Variants in NARF observed in about 807,000 individuals in gnomAD.
The protein encoded by NARF is nuclear prelamin A recognition factor.
NARF carries 41 observed loss-of-function variants against 48.0 expected under a neutral mutation model. The observed-to-expected ratio is 0.85, with a 90% CI of 0.66 to 1.11. The LOEUF is 1.11. Ranked by LOEUF, NARF falls within the 50% of genes least tolerant of loss-of-function variation. The pLI, the probability that NARF is intolerant of heterozygous loss-of-function variation, is 0.00. For missense variants in NARF, 613 were observed against 590.2 expected (o/e 1.04, Z -0.40); for synonymous variants, 215 against 225.5 (o/e 0.95, Z 0.42).
At chr17:82,467,012 C>A (rs2043586592) in intron 3 of NARF, among the ~76,000 whole-genome samples, 1 of 150,008 alleles carries the variant, frequency 6.7e-6, no homozygotes, top group Non-Finnish European at 1.5e-5. Context: ...TTTTTTTTCC[C>A]CATTACTTCC....
intron 1 of NARF, among the ~76,000 whole-genome samples, chr17:82,459,690 C>T (rs12952969): frequency 0.27 from 41,042 of 151,736 alleles, 6,280 homozygotes; most frequent in East Asian, 0.69. Flanking sequence ...GCCAACATGG[C>T]GAAACCCAGT....
intron 10 of NARF, among the ~76,000 whole-genome samples, chr17:82,486,425 G>C (rs2044097419): frequency 6.6e-6 from 1 of 152,204 alleles, no homozygotes; most frequent in African/African-American, 2.4e-5. Context: ...AGACAAGTGG[G>C]ACAAGGTGTG....
chr17:82,466,139 A>G (rs2043560899), intron 3 of NARF, among the ~76,000 whole-genome samples: 1 of 152,188 alleles, frequency 6.6e-6, no homozygotes. Flanking sequence ...ACAGCTTTGC[A>G]GACTACTAGA....
upstream of NARF, chr17:82,458,710 C>G (rs2043346241): frequency 1.4e-6 from 2 of 1,408,430 alleles, no homozygotes; most frequent in Non-Finnish European, 1.8e-6. Flanking sequence ...CGGGGGAGGA[C>G]AACAAAGGGC....
intron 2 of NARF, 167 bp downstream of exon 2, chr17:82,460,239 CG>C: frequency 1.9e-6 from 1 of 528,212 alleles, no homozygotes; most frequent in Non-Finnish European, 3.4e-6. Flanking sequence ...CCGAGGTGGA[CG>C]GATCACTTGA....
At position 82,468,710 on chromosome 17, in the gene NARF, T is replaced by A. The variant is rs2043628191; in HGVS notation, c.253-54T>A. 4 of 1,586,610 alleles carry A rather than the reference T, an allele frequency of 2.5e-6. No homozygotes were observed. In the Admixed American group the frequency reaches 6.8e-5, roughly 27 times the overall value. On this transcript the variant is annotated intron_variant, in intron 3 of 10. Coordinates refer to ENST00000309794, the MANE Select transcript of NARF (RefSeq NM_012336.4). ...TGAATTTCTCATTAAGGTGTGTAAC[T>A]TTTACTCCTTGTGTAATCAGCAGAT...
At chr17:82,483,083 T>G (rs1430448321) in intron 7 of NARF, 1 of 159,334 alleles carries the variant, frequency 6.3e-6, no homozygotes, top group East Asian at 1.9e-4. Context: ...TTCAGGAGGC[T>G]GAGGCAGGCT....
intron 6 of NARF, chr17:82,480,286 C>T (rs1421663639): frequency 1.5e-5 from 6 of 391,036 alleles, no homozygotes; most frequent in East Asian, 3.6e-5. Flanking sequence ...GTAGCCAGCG[C>T]GCGCACACAC....
chr17:82,467,107 C>T (rs1264680618), intron 3 of NARF, among the ~76,000 whole-genome samples: 1 of 151,182 alleles, frequency 6.6e-6, no homozygotes, highest in Non-Finnish European at 1.5e-5. Context: ...AGTGCAGTGG[C>T]ACGATCTTGG....
In NARF at chr17:82,488,094, G is replaced by C. The variant is rs754497266; in HGVS notation, c.1308G>C (p.Glu436Asp). 1 of 1,614,042 alleles carries C rather than the reference G, an allele frequency of 6.2e-7. No homozygotes were observed. The highest frequency in any genetic ancestry group is 1.7e-5 in the Admixed American group (1 of 60,026). Residue 436 changes from glutamate (E) to aspartate (D), a missense_variant, in exon 11 of 11, where the codon GAG becomes GAC. Physicochemically the swap from Glu to Asp is conservative, Grantham distance 45. Coordinates refer to ENST00000309794, the MANE Select transcript of NARF (RefSeq NM_012336.4). ...LEGINSPKAR[E>D]VLHTTYQSQE... Reference sequence around the variant, plus strand: ...GGATCAACTCCCCCAAGGCCCGAGAGGTGCTGCATACCACGTACCAGAGCC... The same window carrying C: ...GGATCAACTCCCCCAAGGCCCGAGACGTGCTGCATACCACGTACCAGAGCC...
At chr17:82,473,243 G>C (rs1386796615) in intron 5 of NARF, among the ~76,000 whole-genome samples, 1 of 151,020 alleles carries the variant, frequency 6.6e-6, no homozygotes, top group South Asian at 2.1e-4. Flanking sequence ...GCCCAGTCTA[G>C]GCAGATCTCT....
intron 4 of NARF, among the ~76,000 whole-genome samples, chr17:82,471,850 TA>T (rs1163536000): frequency 6.6e-6 from 1 of 151,556 alleles, no homozygotes; most frequent in Non-Finnish European, 1.5e-5. Context: ...GTTCTACTTT[TA>T]AACACATCAA....
At chr17:82,458,376 G>C (rs2143798878), upstream of NARF, 1 of 164,020 alleles carries the variant, frequency 6.1e-6, no homozygotes, top group African/African-American at 2.4e-5. Flanking sequence ...GAGCACCCTG[G>C]AACGGCCCCA....
chr17:82,485,705 C>T, intron 10 of NARF, 51 bp downstream of exon 10: 1 of 1,597,172 alleles, frequency 6.3e-7, no homozygotes. Context: ...GTGCTCAGGC[C>T]ACACTGGTCC....
chr17:82,482,001 A>T, intron 7 of NARF: 1 of 300,362 alleles, frequency 3.3e-6, no homozygotes, highest in Non-Finnish European at 6.5e-6. Flanking sequence ...TTAAGAGCCT[A>T]CAGTGAGTTC....
rs2044138690 is a variant in NARF at position 82,488,101 on chromosome 17, C to T, written c.1315C>T (p.His439Tyr). 9 of 1,614,030 alleles carry T rather than the reference C, an allele frequency of 5.6e-6. No homozygotes were observed. Among genetic ancestry groups the T allele is most frequent in the Non-Finnish European group, 7.6e-6 (9 of 1,180,032 alleles). Reference sequence around the variant, plus strand: ...CTCCCCCAAGGCCCGAGAGGTGCTGCATACCACGTACCAGAGCCAGGAGCG... The same window carrying T: ...CTCCCCCAAGGCCCGAGAGGTGCTGTATACCACGTACCAGAGCCAGGAGCG... ...INSPKAREVL[H>Y]TTYQSQERGT... Residue 439 changes from histidine to tyrosine, a missense_variant, in exon 11 of 11, where the codon CAT (histidine) becomes TAT (tyrosine). Physicochemically the swap from His to Tyr is moderately conservative, Grantham distance 83. Coordinates refer to ENST00000309794, the MANE Select transcript of NARF (RefSeq NM_012336.4).
At chr17:82,480,627 C>T (rs1435041105) in intron 6 of NARF, 2 of 423,870 alleles carry the variant, frequency 4.7e-6, no homozygotes, top group African/African-American at 4.1e-5. Flanking sequence ...ACAACAGTCC[C>T]AGCCCCAAGA....
chr17:82,458,773 G>A lies in NARF; in HGVS notation c.-31G>A, dbSNP rs2043350028. 6.8e-7 allele frequency: 1 copy of A among 1,467,920 alleles called. No homozygotes were observed. Among genetic ancestry groups the A allele is most frequent in the African/African-American group, 1.5e-5 (1 of 67,940 alleles). The allele number at this position is 1,467,920 out of a possible 1,614,324, so 90.9% of individuals were successfully genotyped here. A position where few individuals can be genotyped will look rare whatever the true frequency, so the allele number is the denominator to read the frequency against. ...TCTCCCGGTGCTTCCCTGAGGCTGAGGCGCCCGGCCTCCCGCCCGCCGCGC... is the reference window on the plus strand; with the variant it reads ...TCTCCCGGTGCTTCCCTGAGGCTGAAGCGCCCGGCCTCCCGCCCGCCGCGC... On this transcript the variant is annotated 5_prime_UTR_variant, in exon 1 of 11. Coordinates refer to ENST00000309794, the MANE Select transcript of NARF (RefSeq NM_012336.4).
chr17:82,472,676 C>T lies in NARF; in HGVS notation c.498C>T (p.Pro166=), dbSNP rs1175874078. The T allele has an allele frequency of 6.2e-7, 1 of 1,613,492 alleles. No individual in the cohort carries two copies. The highest frequency in any genetic ancestry group is 8.5e-7 in the Non-Finnish European group (1 of 1,179,874). ...ACAGTGAGGAGGAACGCACCCTGCCCATGCTGACCTCTGCCTGTCCTGGTG... is the reference window on the plus strand; with the variant it reads ...ACAGTGAGGAGGAACGCACCCTGCCTATGCTGACCTCTGCCTGTCCTGGTG... ...RQHSEEERTL[P]MLTSACPGWV... is the part of the protein sequence containing the mutation. The change falls in exon 5 of 11, where the codon CCC becomes CCT. Residue 166 remains proline (P), a synonymous_variant. Coordinates refer to ENST00000309794, the MANE Select transcript of NARF (RefSeq NM_012336.4).
Sources: allele counts gnomAD v4.1 joint callset (sites outside exome capture counted in the v4.1 genomes callset), GRCh38; gene constraint gnomAD v4.1.1; transcripts MANE v1.5; gene names NCBI Gene and HGNC (gene_info 2026-07-23, HGNC 2026-07-21).